The following DGKB variants were observed in gnomAD, a reference collection of about 807,000 sequenced individuals.
DGKB encodes 90 kDa diacylglycerol kinase.
In DGKB, 67 loss-of-function variants were observed where a neutral mutation model predicts 114.3. The ratio of observed to expected loss-of-function variants is 0.59; its 90% CI spans 0.48 to 0.72. DGKB has a LOEUF of 0.72. Among genes scored for constraint, DGKB ranks in the 30% least tolerant of loss-of-function variants. The pLI is 0.00. For missense variants in DGKB, 907 were observed against 975.2 expected, an observed-to-expected ratio of 0.93 and a Z score of 0.93; for synonymous variants, 398 against 323.1, an observed-to-expected ratio of 1.23 and a Z score of -2.49.
intron 21 of DGKB, among the ~76,000 whole-genome samples, chr7:14,355,551 G>T (rs796676829): frequency 6.6e-6 from 1 of 152,060 alleles, no homozygotes; most frequent in Non-Finnish European, 1.5e-5. Flanking sequence ...GGTTTTTGTC[G>T]TTGGTTCTGT....
At chr7:14,411,059 G>C (rs1289109142) in intron 21 of DGKB, among the ~76,000 whole-genome samples, 1 of 152,136 alleles carries the variant, frequency 6.6e-6, no homozygotes, top group African/African-American at 2.4e-5. Context: ...CGCAGTGGCA[G>C]GTTTCTGCAG....
chr7:14,253,422 T>C (rs1264655126), intron 23 of DGKB, among the ~76,000 whole-genome samples: 3 of 152,158 alleles, frequency 2.0e-5, no homozygotes, highest in African/African-American at 4.8e-5. Context: ...GATTTCCCTA[T>C]ATGTGATCTC....
At chr7:14,946,073 A>T (rs577076537) in intron 1 of DGKB, among the ~76,000 whole-genome samples, 1 of 151,674 alleles carries the variant, frequency 6.6e-6, no homozygotes, top group Admixed American at 6.6e-5. Flanking sequence ...TAATAGATAA[A>T]ATATTATTAA....
chr7:14,196,119 A>C (rs556282020), intron 23 of DGKB, among the ~76,000 whole-genome samples: 85 of 152,200 alleles, frequency 5.6e-4, no homozygotes, highest in African/African-American at 2.0e-3. Context: ...GCACAACAGG[A>C]ATGTCATAGT....
intron 17 of DGKB, among the ~76,000 whole-genome samples, chr7:14,599,364 C>T (rs7809556): frequency 0.029 from 4,343 of 152,254 alleles, 211 homozygotes; most frequent in African/African-American, 0.099. Flanking sequence ...TTCTGACATC[C>T]GACTGCCCTT....
At chr7:14,340,408 G>T (rs1387075702) in intron 22 of DGKB, among the ~76,000 whole-genome samples, 1 of 151,364 alleles carries the variant, frequency 6.6e-6, no homozygotes, top group Non-Finnish European at 1.5e-5. Flanking sequence ...GAATGTACTG[G>T]CTGGATAATT....
At chr7:14,373,621 A>G (rs1479025938) in intron 21 of DGKB, among the ~76,000 whole-genome samples, 1 of 152,118 alleles carries the variant, frequency 6.6e-6, no homozygotes, top group South Asian at 2.1e-4. Context: ...AAGAAAGGGA[A>G]GGGACAACTT....
intron 6 of DGKB, among the ~76,000 whole-genome samples, chr7:14,703,132 A>T (rs1235600135): frequency 2.6e-5 from 4 of 152,228 alleles, no homozygotes; most frequent in Admixed American, 2.6e-4. Context: ...GTAGTGCAGC[A>T]GCAAATAGTG....
intron 13 of DGKB, among the ~76,000 whole-genome samples, chr7:14,670,814 C>T (rs538938055): frequency 1.3e-5 from 2 of 152,224 alleles, no homozygotes; most frequent in African/African-American, 4.8e-5. Context: ...TTATTGTCTA[C>T]ATTACCCCTG....
At chr7:14,158,620 C>T (rs1321894381) in intron 25 of DGKB, among the ~76,000 whole-genome samples, 2 of 152,110 alleles carry the variant, frequency 1.3e-5, no homozygotes, top group East Asian at 1.9e-4. Flanking sequence ...CAATTGGATA[C>T]AGATGTTCAA....
At chr7:14,430,226 C>T (rs149885827) in intron 21 of DGKB, among the ~76,000 whole-genome samples, 97 of 152,196 alleles carry the variant, frequency 6.4e-4, no homozygotes, top group Middle Eastern at 3.4e-3. Flanking sequence ...CCAAGATATA[C>T]GCCTTTAGAT....
chr7:14,414,212 G>T (rs77940418), intron 21 of DGKB, among the ~76,000 whole-genome samples: 3 of 152,086 alleles, frequency 2.0e-5, no homozygotes, highest in Admixed American at 6.6e-5. Flanking sequence ...ATCAGTGTGA[G>T]AGACTGGGAT....
At chr7:14,336,956 A>T (rs1023465677) in intron 23 of DGKB, among the ~76,000 whole-genome samples, 2 of 152,208 alleles carry the variant, frequency 1.3e-5, no homozygotes, top group African/African-American at 4.8e-5. Context: ...GTGACCAAAC[A>T]GAAAACTTAA....
At chr7:14,665,110 T>C (rs990965938) in intron 13 of DGKB, among the ~76,000 whole-genome samples, 3 of 152,048 alleles carry the variant, frequency 2.0e-5, no homozygotes, top group African/African-American at 7.2e-5. Flanking sequence ...ACTATGTCAT[T>C]CATAATTCCA....
chr7:14,575,030 C>T (rs1475953131), intron 19 of DGKB, among the ~76,000 whole-genome samples: 2 of 152,112 alleles, frequency 1.3e-5, no homozygotes, highest in Non-Finnish European at 1.5e-5. Flanking sequence ...GAGGCTGAGG[C>T]GGGAGGACTA....
chr7:14,919,456 C>T (rs115444002), intron 1 of DGKB, among the ~76,000 whole-genome samples: 1 of 152,108 alleles, frequency 6.6e-6, no homozygotes, highest in Non-Finnish European at 1.5e-5. Context: ...GAAACCTATA[C>T]AGAGACCTTA....
intron 21 of DGKB, among the ~76,000 whole-genome samples, chr7:14,431,826 A>G (rs968715896): frequency 2.6e-5 from 4 of 152,136 alleles, no homozygotes; most frequent in Non-Finnish European, 5.9e-5. Flanking sequence ...TATATTAAAG[A>G]AAAATAGCCC....
chr7:14,719,277 G>A (rs1055337307), intron 5 of DGKB, among the ~76,000 whole-genome samples: 9 of 152,114 alleles, frequency 5.9e-5, no homozygotes, highest in African/African-American at 2.2e-4. Context: ...TATTAGAGAG[G>A]TAAAAACATA....
At chr7:14,532,247 C>A (rs78068167) in intron 20 of DGKB, among the ~76,000 whole-genome samples, 50 of 141,194 alleles carry the variant, frequency 3.5e-4, no homozygotes, top group Admixed American at 5.6e-4. Context: ...ATGAGACCTA[C>A]AAAAAAAAAA....
Sources: allele counts gnomAD v4.1 joint callset (sites outside exome capture counted in the v4.1 genomes callset), GRCh38; gene constraint gnomAD v4.1.1; transcripts MANE v1.5; gene names NCBI Gene and HGNC (gene_info 2026-07-23, HGNC 2026-07-21).